Variants in PPIL4 observed in about 807,000 individuals in gnomAD.
PPIL4 encodes the protein peptidylprolyl isomerase like 4.
A neutral mutation model predicts 69.1 loss-of-function variants in PPIL4; 50 were observed. The ratio of observed to expected loss-of-function variants is 0.72; its 90% CI spans 0.58 to 0.92. The LOEUF (loss-of-function observed/expected upper bound fraction) is 0.92, where lower values mean the gene tolerates loss of function less well. Among genes scored for constraint, PPIL4 ranks in the 40% least tolerant of loss-of-function variants. The probability of loss-of-function intolerance (pLI) is 0.00; values close to 1 mark genes in which losing one functional copy is unlikely to be tolerated. For synonymous variants in PPIL4, 193 were observed against 191.6 expected, an observed-to-expected ratio of 1.01 and a Z score of -0.06; for missense variants, 480 against 587.9, an observed-to-expected ratio of 0.82 and a Z score of 1.90.
In PPIL4 at chr6:149,505,489, C is replaced by G. The variant is rs752476190; in HGVS notation, c.1443G>C (p.Lys481Asn). 6.2e-7 allele frequency: 1 copy of G among 1,613,812 alleles called. No homozygotes were observed. The highest frequency in any genetic ancestry group is 1.1e-5 in the South Asian group (1 of 91,006). ...TAGATTTTTCTTTATCTTTGGACTT[C>G]TTTGGACTTCTGCTTCGGTCTCTCT... ...SKKRDRSRSPKKSKDKEKSKY... is the reference protein window; with the variant it reads ...SKKRDRSRSPNKSKDKEKSKY... Residue 481 changes from lysine to asparagine, a missense_variant, in exon 13 of 13, where the codon AAG becomes AAC. Transcript: ENST00000253329.
intron 9 of PPIL4, among the ~76,000 whole-genome samples, chr6:149,522,160 G>C (rs1238811868): frequency 6.6e-6 from 1 of 152,136 alleles, no homozygotes; most frequent in African/African-American, 2.4e-5. Context: ...TCATGAATCT[G>C]ACTGATTATT....
Position 149,535,746 on chromosome 6 carries a change from G to A in PPIL4, c.322-8C>T. The A allele has an allele frequency of 6.4e-7, 1 of 1,573,036 alleles. No individual in the cohort carries two copies. Among genetic ancestry groups the A allele is most frequent in the Non-Finnish European group, 8.7e-7 (1 of 1,151,250 alleles). Reference sequence around the variant, plus strand: ...TCCTGTGGTGATAAGAAACTATAAAGAAGGACACATAATAAATACCATAAA... The same window carrying A: ...TCCTGTGGTGATAAGAAACTATAAAAAAGGACACATAATAAATACCATAAA... On this transcript the variant is annotated splice_region_variant and splice_polypyrimidine_tract_variant and intron_variant, in intron 4 of 12. Transcript: ENST00000253329.
rs764028936 is a variant in PPIL4 at position 149,505,505 on chromosome 6, C to T, written c.1427G>A (p.Arg476Gln). The T allele has an allele frequency of 1.7e-5, 27 of 1,613,820 alleles. No homozygotes were observed. The highest frequency in any genetic ancestry group is 4.0e-5 in the African/African-American group (3 of 74,912). ...TTTGGACTTCTTTGGACTTCTGCTT[C>T]GGTCTCTCTTTTTACTCCTTTCTCT... The part of the protein sequence containing the change: ...YERERSKKRD[R>Q]SRSPKKSKDK... The change falls in exon 13 of 13, where the codon CGA becomes CAA. Residue 476 changes from arginine to glutamine, a missense_variant. Coordinates refer to ENST00000253329, the MANE Select transcript of PPIL4 (RefSeq NM_139126.4).
Position 149,534,694 on chromosome 6 carries a change from G to A in PPIL4, c.545C>T (p.Thr182Ile), listed in dbSNP as rs1454632553. ...TTTACTTACATCTAATTGTTCCCTT[G>A]TAGGTTCTGGTGATCGATCAGGGAT... is the stretch of plus-strand genomic sequence containing the variant. Reference protein sequence around the residue: ...LLIPDRSPEPTREQLDSGRIG... With the variant: ...LLIPDRSPEPIREQLDSGRIG... Residue 182 changes from threonine (T) to isoleucine (I), a missense_variant, in exon 6 of 13, where the codon ACA (threonine) becomes ATA (isoleucine). Coordinates refer to ENST00000253329, the MANE Select transcript of PPIL4 (RefSeq NM_139126.4). The A allele has an allele frequency of 4.5e-6, 7 of 1,560,052 alleles. No individual in the cohort carries two copies. In the East Asian group the frequency reaches 1.4e-4, roughly 30 times the overall value.
intron 4 of PPIL4, among the ~76,000 whole-genome samples, chr6:149,539,294 C>A (rs909432543): frequency 6.6e-6 from 1 of 152,192 alleles, no homozygotes; most frequent in Non-Finnish European, 1.5e-5. Context: ...TAAAAGAATT[C>A]TACTAAATGC....
chr6:149,530,520 G>T (rs1196182693), intron 7 of PPIL4, among the ~76,000 whole-genome samples: 1 of 152,068 alleles, frequency 6.6e-6, no homozygotes, highest in Non-Finnish European at 1.5e-5. Context: ...TTAGCTGGGC[G>T]TGGTGGCGGG....
At chr6:149,536,521 C>T (rs1210647715) in intron 4 of PPIL4, among the ~76,000 whole-genome samples, 1 of 152,092 alleles carries the variant, frequency 6.6e-6, no homozygotes, top group African/African-American at 2.4e-5. Flanking sequence ...ATGAAACAGG[C>T]TTACTGCTGA....
chr6:149,525,612 C>T (rs776286803), intron 8 of PPIL4, among the ~76,000 whole-genome samples: 2 of 152,078 alleles, frequency 1.3e-5, no homozygotes, highest in Non-Finnish European at 2.9e-5. Flanking sequence ...CATACTCATA[C>T]ATATATAAAT....
chr6:149,505,275 A>G lies in PPIL4; in HGVS notation c.*178T>C, dbSNP rs1776751137. Reference sequence around the variant, plus strand: ...AATTAGTGTAAAAAAGTATACAAAGAAAATGTTCAATTCTTTATCTTTCCG... The same window carrying G: ...AATTAGTGTAAAAAAGTATACAAAGGAAATGTTCAATTCTTTATCTTTCCG... On this transcript the variant is annotated 3_prime_UTR_variant, in exon 13 of 13. Transcript: ENST00000253329. The G allele has an allele frequency of 2.0e-6, 1 of 505,594 alleles. No individual in the cohort carries two copies. Among genetic ancestry groups the G allele is most frequent in the Non-Finnish European group, 3.4e-6 (1 of 295,974 alleles). 31.3% of individuals were successfully genotyped at this position (505,594 alleles called of 1,614,324 possible).
At position 149,511,512 on chromosome 6, in the gene PPIL4, C is replaced by T. The variant is rs556678833; in HGVS notation, c.1227+643G>A. ...CTGGTCTCCAACTCTTAAGCTCAAG[C>T]GATCTACCTGCCTCGGCCTCCCAAA... On this transcript the variant is annotated intron_variant, in intron 12 of 12. Transcript: ENST00000253329. Among the ~76,000 whole-genome samples the T allele has an allele frequency of 1.4e-4, 22 of 152,062 alleles. 1 individual carries two copies. The highest frequency in any genetic ancestry group is 1.0e-4 in the Non-Finnish European group (7 of 67,984).
At chr6:149,536,996 T>A (rs1424885208) in intron 4 of PPIL4, among the ~76,000 whole-genome samples, 1 of 151,818 alleles carries the variant, frequency 6.6e-6, no homozygotes, top group African/African-American at 2.4e-5. Flanking sequence ...CATGGTGGCG[T>A]GTGCCTGTAA....
intron 10 of PPIL4, among the ~76,000 whole-genome samples, chr6:149,520,719 A>G (rs1042991291): frequency 2.0e-5 from 3 of 152,192 alleles, no homozygotes; most frequent in South Asian, 4.1e-4. Context: ...CATGAAAAGC[A>G]TAACAAAAAC....
chr6:149,522,175 G>A (rs1777039048), intron 9 of PPIL4, among the ~76,000 whole-genome samples: 1 of 152,108 alleles, frequency 6.6e-6, no homozygotes, highest in Non-Finnish European at 1.5e-5. Context: ...ATTATTTTCA[G>A]GCAGGTATAA....
intron 10 of PPIL4, 53 bp from the exon 11 acceptor site, chr6:149,517,503 G>T: frequency 1.3e-6 from 1 of 778,324 alleles, no homozygotes; most frequent in Non-Finnish European, 2.0e-6. Flanking sequence ...ACCTAACCAA[G>T]AACAATAATT....
intron 1 of PPIL4, among the ~76,000 whole-genome samples, chr6:149,543,760 A>C (rs1427364242): frequency 3.3e-5 from 5 of 152,128 alleles, no homozygotes; most frequent in Non-Finnish European, 7.3e-5. Context: ...TTACAGATTA[A>C]ATAGATGCAC....
intron 12 of PPIL4, among the ~76,000 whole-genome samples, chr6:149,506,605 A>AG (rs1270757273): frequency 6.6e-6 from 1 of 151,974 alleles, no homozygotes; most frequent in Non-Finnish European, 1.5e-5. Context: ...AGAGAGGAGA[A>AG]TTTTTTTTGA....
chr6:149,545,270 G>A (rs1036298631), intron 1 of PPIL4, among the ~76,000 whole-genome samples: 26 of 152,178 alleles, frequency 1.7e-4, no homozygotes, highest in African/African-American at 6.3e-4. Context: ...CGCTAGCTTT[G>A]CTTCTTCCCA....
intron 3 of PPIL4, 73 bp from the exon 4 acceptor site, chr6:149,541,132 G>T: frequency 1.3e-6 from 1 of 760,816 alleles, no homozygotes. Context: ...AACATACAGG[G>T]TTATCAATTA....
chr6:149,528,067 G>A (rs1247051815), intron 7 of PPIL4, among the ~76,000 whole-genome samples: 1 of 152,154 alleles, frequency 6.6e-6, no homozygotes, highest in African/African-American at 2.4e-5. Context: ...ACCAGCCCAC[G>A]CAACATAGTA....
Sources: allele counts gnomAD v4.1 joint callset (sites outside exome capture counted in the v4.1 genomes callset), GRCh38; gene constraint gnomAD v4.1.1; transcripts MANE v1.5; gene names NCBI Gene and HGNC (gene_info 2026-07-23, HGNC 2026-07-21).